The following OVCH2 variants were observed in gnomAD, a reference collection of about 807,000 sequenced individuals.
OVCH2 encodes the protein ovochymase 2.
Under a neutral mutation model 73.7 loss-of-function variants are expected in OVCH2, and 88 were observed. The ratio of observed to expected loss-of-function variants is 1.19; its 90% CI spans 1.01 to 1.43. The LOEUF (loss-of-function observed/expected upper bound fraction) is 1.43. Among genes scored for constraint, OVCH2 ranks in the 40% most tolerant of loss-of-function variants. OVCH2 has a pLI of 0.00. For missense variants in OVCH2, 706 were observed against 674.5 expected, an observed-to-expected ratio of 1.05 and a Z score of -0.52; for synonymous variants, 265 against 234.5, an observed-to-expected ratio of 1.13 and a Z score of -1.19.
At chr11:7,684,340 T>C in the OVCH2 span, among the ~76,000 whole-genome samples, 7 of 152,054 alleles carry the variant, frequency 4.6e-5, no homozygotes, top group African/African-American at 1.7e-4. Context: ...CGGGAACTCA[T>C]TTCTTGTGAG....
Position 7,706,353 on chromosome 11 carries a change from T to C in OVCH2, c.42A>G (p.Ile14Met). 2 of 1,589,258 alleles carry C rather than the reference T, an allele frequency of 1.3e-6. No homozygotes were observed. Among genetic ancestry groups the C allele is most frequent in the African/African-American group, 1.3e-5 (1 of 74,792 alleles). The change falls in exon 1 of 16, where the codon ATA (isoleucine) becomes ATG (methionine). Residue 14 changes from isoleucine (I) to methionine (M), a missense_variant. Transcript: ENST00000533663. ...SRNKLILLLG[I>M]VFFERGKSAT... The stretch of plus-strand genomic sequence containing the variant: ...CAGATTTACCTCGTTCAAAAAAGAC[T>C]ATTCCTAGTAGTAAAATCAGCTTGT...
chr11:7,704,701 T>C, intron 1 of OVCH2, 27 bp from the exon 2 acceptor site: 2 of 1,463,798 alleles, frequency 1.4e-6, no homozygotes, highest in Non-Finnish European at 1.9e-6. Flanking sequence ...ACAAACTAAA[T>C]GATTAGATAG....
At chr11:7,701,625 A>T (rs78774082) in intron 5 of OVCH2, 91 bp downstream of exon 5, 4 of 99,326 alleles carry the variant, frequency 4.0e-5, no homozygotes, top group Non-Finnish European at 6.5e-5. Flanking sequence ...TGCACAATCG[A>T]TTTTTAAAAA....
Position 7,700,546 on chromosome 11 carries a change from C to T in OVCH2, c.712-61G>A. ...CAGTGTCTATGCCCCAAAATGCTCACTGTTTCCTCACAAGGATGCTGGAGG... is the reference window on the plus strand; with the variant it reads ...CAGTGTCTATGCCCCAAAATGCTCATTGTTTCCTCACAAGGATGCTGGAGG... On this transcript the variant is annotated intron_variant, in intron 6 of 15. Coordinates refer to ENST00000533663, the MANE Select transcript of OVCH2 (RefSeq NM_198185.7). The T allele has an allele frequency of 4.6e-6, 7 of 1,511,674 alleles. No individual in the cohort carries two copies. The South Asian group carries it at 7.5e-5, about 16-fold the overall frequency. 93.6% of individuals were successfully genotyped at this position (1,511,674 alleles called of 1,614,324 possible).
At chr11:7,696,937 C>T in intron 8 of OVCH2, 138 bp from the exon 9 acceptor site, 1 of 774,850 alleles carries the variant, frequency 1.3e-6, no homozygotes, top group Non-Finnish European at 2.1e-6. Context: ...CTTCTCCTGT[C>T]TTTGCTTCTA....
intron 9 of OVCH2, 28 bp downstream of exon 9, chr11:7,696,681 G>C (rs1030508100): frequency 5.0e-6 from 8 of 1,613,790 alleles, no homozygotes; most frequent in Non-Finnish European, 6.8e-6. Context: ...TGGGAGTAAG[G>C]AGGAGGAGTA....
At chr11:7,692,976 T>C (rs1161349299) in intron 12 of OVCH2, among the ~76,000 whole-genome samples, 1 of 152,224 alleles carries the variant, frequency 6.6e-6, no homozygotes. Flanking sequence ...TCTTCTCTTG[T>C]ATCATTCCCT....
intron 7 of OVCH2, chr11:7,699,363 C>G (rs913880114): frequency 6.6e-6 from 1 of 152,290 alleles, no homozygotes; most frequent in African/African-American, 2.4e-5. Context: ...GTTTCAGAAC[C>G]CTTGCAGATA....
chr11:7,702,333 T>C lies in OVCH2; in HGVS notation c.291-4A>G, dbSNP rs749135052. 1 of 1,580,556 alleles carries C rather than the reference T, an allele frequency of 6.3e-7. No homozygotes were observed. Among genetic ancestry groups the C allele is most frequent in the Non-Finnish European group, 8.6e-7 (1 of 1,167,174 alleles). On this transcript the variant is annotated splice_polypyrimidine_tract_variant and splice_region_variant and intron_variant, in intron 3 of 15. Transcript: ENST00000533663. The stretch of plus-strand genomic sequence containing the variant: ...ATTCAAAGTAGACACAATGTTTCTA[T>C]GGAAAGCAAAGAGTAAAATGAATGA...
At position 7,691,935 on chromosome 11, in the gene OVCH2, C is replaced by A; in HGVS notation, c.1474G>T (p.Val492Leu). The change falls in exon 13 of 16, where the codon GTG (valine) becomes TTG (leucine). Residue 492 changes from valine to leucine, a missense_variant. By Grantham distance (32) the Val-to-Leu change is conservative. Coordinates refer to ENST00000533663, the MANE Select transcript of OVCH2 (RefSeq NM_198185.7). ...TTCTTCCTTTCTACATCGCTGTGCA[C>A]TGTCACATAGTCGGAAGTGCAGTCT... ...SGDCTSDYVT[V>L]HSDVERKKEI... 1 of 1,577,084 alleles carries A rather than the reference C, an allele frequency of 6.3e-7. No individual in the cohort carries two copies. The highest frequency in any genetic ancestry group is 1.7e-4 in the Middle Eastern group (1 of 6,024).
rs755233596 is a variant in OVCH2 at position 7,695,137 on chromosome 11, C to A, written c.1334G>T (p.Ser445Ile). Residue 445 changes from serine to isoleucine, a missense_variant, in exon 12 of 16, where the codon AGT becomes ATT. Transcript: ENST00000533663. ...ACTGTAGTTTTCAGGATAGTTTAGA[C>A]TCTGTATGAGACCTTCTTCAAAAAG... is the stretch of plus-strand genomic sequence containing the variant. ...TVLFEEGLIQ[S>I]LNYPENYSDK... 1.3e-6 allele frequency: 2 copies of A among 1,556,536 alleles called. No individual in the cohort carries two copies. Among genetic ancestry groups the A allele is most frequent in the East Asian group, 2.4e-5 (1 of 41,526 alleles).
At chr11:7,692,275 C>A (rs552351102) in intron 12 of OVCH2, among the ~76,000 whole-genome samples, 6 of 152,088 alleles carry the variant, frequency 3.9e-5, no homozygotes, top group African/African-American at 1.4e-4. Context: ...GGAGAGCTAC[C>A]GCATGGGGAT....
downstream of OVCH2, among the ~76,000 whole-genome samples, chr11:7,686,113 C>G (rs10839841): frequency 2.6e-5 from 4 of 152,112 alleles, no homozygotes; most frequent in African/African-American, 7.2e-5. Context: ...ATACTTACAC[C>G]GAATATACCC....
chr11:7,684,177 C>G, the OVCH2 span, among the ~76,000 whole-genome samples: 2 of 152,040 alleles, frequency 1.3e-5, no homozygotes, highest in Non-Finnish European at 2.9e-5. Context: ...AGGATAATGC[C>G]TGACCTTTCT....
At chr11:7,689,129 G>T (rs1856173657), downstream of OVCH2, among the ~76,000 whole-genome samples, 1 of 152,212 alleles carries the variant, frequency 6.6e-6, no homozygotes, top group South Asian at 2.1e-4. Context: ...AAATTTTGCA[G>T]CAGTAATTAA....
intron 7 of OVCH2, chr11:7,699,828 G>C (rs1262246772): frequency 1.3e-5 from 2 of 155,056 alleles, no homozygotes; most frequent in Non-Finnish European, 2.9e-5. Context: ...CTGGACACCA[G>C]AGCCACTCCT....
chr11:7,698,714 G>T (rs746149384), intron 8 of OVCH2, 36 bp downstream of exon 8: 1 of 1,597,564 alleles, frequency 6.3e-7, no homozygotes, highest in Admixed American at 1.7e-5. Flanking sequence ...ATGTTAATTT[G>T]TGCTCCTGAT....
chr11:7,699,979 G>T, intron 7 of OVCH2: 2 of 253,298 alleles, frequency 7.9e-6, no homozygotes, highest in Non-Finnish European at 1.5e-5. Context: ...GTAATGGTGA[G>T]CACTCTGGAC....
Position 7,698,741 on chromosome 11 carries a change from G to A in OVCH2, c.925+9C>T. ...GCTCCTGATGGAGCAGCCTGCAAGG[G>A]ATACCCACCTCTGGAGCTCTTTCTC... On this transcript the variant is annotated intron_variant, in intron 8 of 15. Coordinates refer to ENST00000533663, the MANE Select transcript of OVCH2 (RefSeq NM_198185.7). 1.2e-6 allele frequency: 2 copies of A among 1,611,916 alleles called. No homozygotes were observed. Among genetic ancestry groups the A allele is most frequent in the Non-Finnish European group, 1.7e-6 (2 of 1,179,078 alleles).
Sources: allele counts gnomAD v4.1 joint callset (sites outside exome capture counted in the v4.1 genomes callset), GRCh38; gene constraint gnomAD v4.1.1; transcripts MANE v1.5; gene names NCBI Gene and HGNC (gene_info 2026-07-23, HGNC 2026-07-21).